The following MYO3B variants were observed in gnomAD, a reference collection of about 807,000 sequenced individuals.
MYO3B encodes myosin IIIB.
A neutral mutation model predicts 174.6 loss-of-function variants in MYO3B; 156 were observed. The observed-to-expected ratio is 0.89, with a 90% CI of 0.78 to 1.02. The LOEUF (loss-of-function observed/expected upper bound fraction) is 1.02. MYO3B is among the 50% of genes least tolerant of loss of function. MYO3B has a pLI of 0.00. For missense variants in MYO3B, 1,632 were observed against 1,639.4 expected (o/e 1.00, Z 0.08); for synonymous variants, 563 against 569.1 (o/e 0.99, Z 0.15).
At chr2:170,462,184 G>A (rs1412599171) in intron 23 of MYO3B, among the ~76,000 whole-genome samples, 6 of 152,182 alleles carry the variant, frequency 3.9e-5, no homozygotes, top group African/African-American at 1.4e-4. Context: ...CCTACAGGCA[G>A]TTATATCATT....
intron 7 of MYO3B, among the ~76,000 whole-genome samples, chr2:170,330,748 C>G (rs1047356895): frequency 6.6e-6 from 1 of 152,166 alleles, no homozygotes; most frequent in Non-Finnish European, 1.5e-5. Flanking sequence ...GACATTTGGG[C>G]TTCAAAAGTA....
rs200821209 is a variant in MYO3B, at chr2:170,554,624, GA to G, written c.3733+10638del. On this transcript the variant is annotated intron_variant, in intron 32 of 34. Coordinates refer to ENST00000408978, the MANE Select transcript of MYO3B (RefSeq NM_138995.5). The stretch of plus-strand genomic sequence containing the variant: ...CACATTACAGAATTGAACAGTTTTT[GA>G]ACATCATTTCTTCTTAGATTGTTGC... Among the ~76,000 whole-genome samples, 949 of 152,328 alleles carry G rather than the reference GA, an allele frequency of 6.2e-3. 11 individuals are homozygous for G. Among genetic ancestry groups the G allele is most frequent in the African/African-American group, 0.02 (830 of 41,572 alleles).
intron 32 of MYO3B, among the ~76,000 whole-genome samples, chr2:170,564,949 C>T (rs1691968133): frequency 6.9e-6 from 1 of 144,330 alleles, no homozygotes; most frequent in Non-Finnish European, 1.5e-5. Flanking sequence ...TTCCATCCCA[C>T]TAAATAGTAA....
chr2:170,628,161 C>A (rs1057376525), intron 32 of MYO3B, among the ~76,000 whole-genome samples: 1 of 152,098 alleles, frequency 6.6e-6, no homozygotes, highest in East Asian at 1.9e-4. Context: ...TCTACAGAGG[C>A]AGGCAGGCCT....
chr2:170,382,039 G>A lies in MYO3B; in HGVS notation c.995G>A (p.Arg332Lys), dbSNP rs1016535152. 3 of 1,613,478 alleles carry A rather than the reference G, an allele frequency of 1.9e-6. No homozygotes were observed. Among genetic ancestry groups the A allele is most frequent in the African/African-American group, 1.3e-5 (1 of 75,044 alleles). The part of the protein sequence containing the change: ...KTRHERMHTR[R>K]PYHVEDAEKY... ...AGGCATGAGAGGATGCATACCAGAA[G>A]ACCTTATCATGTGGAAGATGCTGAA... The change falls in exon 10 of 35, where the codon AGA (arginine) becomes AAA (lysine). Residue 332 changes from arginine (R) to lysine (K), a missense_variant. Physicochemically the swap from Arg to Lys is conservative, Grantham distance 26. Transcript: ENST00000408978.
chr2:170,478,355 A>G (rs1685441193), intron 25 of MYO3B, among the ~76,000 whole-genome samples: 1 of 152,142 alleles, frequency 6.6e-6, no homozygotes, highest in African/African-American at 2.4e-5. Flanking sequence ...ATACGGGATG[A>G]ATGAATATTA....
At chr2:170,647,645 A>G (rs1312989791) in intron 32 of MYO3B, among the ~76,000 whole-genome samples, 1 of 152,236 alleles carries the variant, frequency 6.6e-6, no homozygotes, top group Admixed American at 6.5e-5. Context: ...AGATTCTAGT[A>G]TAGTGTAGAA....
chr2:170,577,828 G>A (rs934238358), intron 32 of MYO3B, among the ~76,000 whole-genome samples: 5 of 152,122 alleles, frequency 3.3e-5, no homozygotes, highest in African/African-American at 9.7e-5. Context: ...TCCACTGCCC[G>A]GAGCTCCTTC....
chr2:170,439,093 C>CTTTTT (rs2094779552), intron 22 of MYO3B, among the ~76,000 whole-genome samples: 1 of 132,672 alleles, frequency 7.5e-6, no homozygotes, highest in Non-Finnish European at 1.6e-5. Flanking sequence ...TTTTTTTGGG[C>CTTTTT]CAGGCATGAT....
At chr2:170,535,165 G>A (rs147515122) in intron 30 of MYO3B, among the ~76,000 whole-genome samples, 2 of 152,248 alleles carry the variant, frequency 1.3e-5, no homozygotes, top group East Asian at 1.9e-4. Flanking sequence ...AGGACTATTG[G>A]ATCTCCTCTG....
At chr2:170,569,970 C>T (rs895745461) in intron 32 of MYO3B, among the ~76,000 whole-genome samples, 10 of 151,834 alleles carry the variant, frequency 6.6e-5, no homozygotes, top group African/African-American at 2.4e-4. Flanking sequence ...TTCTGAAGGA[C>T]CTGGCTCTTT....
At chr2:170,414,809 T>C (rs1414366726) in intron 22 of MYO3B, among the ~76,000 whole-genome samples, 1 of 152,256 alleles carries the variant, frequency 6.6e-6, no homozygotes, top group Non-Finnish European at 1.5e-5. Context: ...ATTAGATGTA[T>C]AATGAAGTAT....
chr2:170,583,939 AC>A (rs1693328302), intron 32 of MYO3B, among the ~76,000 whole-genome samples: 1 of 152,234 alleles, frequency 6.6e-6, no homozygotes, highest in African/African-American at 2.4e-5. Context: ...AAGCTAACTT[AC>A]AAAAGACCTT....
At chr2:170,484,650 T>C (rs1361850362) in intron 25 of MYO3B, among the ~76,000 whole-genome samples, 1 of 152,174 alleles carries the variant, frequency 6.6e-6, no homozygotes, top group East Asian at 1.9e-4. Flanking sequence ...TTTCAGGACT[T>C]TTTCTTTCTA....
chr2:170,411,360 C>CAT (rs1329436320), intron 22 of MYO3B, among the ~76,000 whole-genome samples: 1 of 152,172 alleles, frequency 6.6e-6, no homozygotes, highest in African/African-American at 2.4e-5. Context: ...ATCTACTATA[C>CAT]ATCTAGGCTA....
intron 9 of MYO3B, 123 bp downstream of exon 9, chr2:170,369,500 T>A (rs2094224298): frequency 9.1e-7 from 1 of 1,097,392 alleles, no homozygotes. Flanking sequence ...AGAGTTTTAT[T>A]TACATGACAT....
intron 13 of MYO3B, 90 bp from the exon 14 acceptor site, chr2:170,387,016 T>C (rs2094380822): frequency 7.9e-7 from 1 of 1,267,300 alleles, no homozygotes; most frequent in Non-Finnish European, 1.1e-6. Context: ...AAAGACCATG[T>C]GGATTTTGGT....
intron 25 of MYO3B, among the ~76,000 whole-genome samples, chr2:170,492,514 G>A (rs1182163718): frequency 6.6e-6 from 1 of 152,186 alleles, no homozygotes; most frequent in Non-Finnish European, 1.5e-5. Flanking sequence ...TTCTTTACAT[G>A]AACGAAAGTA....
intron 3 of MYO3B, among the ~76,000 whole-genome samples, chr2:170,203,824 C>T (rs1465525468): frequency 6.6e-6 from 1 of 152,074 alleles, no homozygotes; most frequent in Non-Finnish European, 1.5e-5. Context: ...CACTGGAATG[C>T]TGGGAGCCTG....
Sources: allele counts gnomAD v4.1 joint callset (sites outside exome capture counted in the v4.1 genomes callset), GRCh38; gene constraint gnomAD v4.1.1; transcripts MANE v1.5; gene names NCBI Gene and HGNC (gene_info 2026-07-23, HGNC 2026-07-21).